The following CASD1 variants were observed in gnomAD, a reference collection of about 807,000 sequenced individuals.
CASD1 encodes N-acetylneuraminate (7)9-O-acetyltransferase.
Under a neutral mutation model 100.0 loss-of-function variants are expected in CASD1, and 41 were observed. The ratio of observed to expected loss-of-function variants is 0.41; its 90% confidence interval spans 0.32 to 0.53. CASD1 has a LOEUF of 0.53. CASD1 is among the 20% of genes least tolerant of loss of function. The probability of loss-of-function intolerance (pLI) is 0.25; values close to 1 mark genes in which losing one functional copy is unlikely to be tolerated. For synonymous variants in CASD1, 321 were observed against 315.6 expected (o/e 1.02, Z -0.18); for missense variants, 774 against 948.7 (o/e 0.82, Z 2.42).
chr7:94,514,148 T>A (rs1042060049), intron 1 of CASD1, among the ~76,000 whole-genome samples: 1 of 152,120 alleles, frequency 6.6e-6, no homozygotes, highest in Admixed American at 6.5e-5. Flanking sequence ...CTAAGCATAT[T>A]AAATGCCAGT....
At chr7:94,587,393 C>A in the CASD1 span, 1 of 1,101,714 alleles carries the variant, frequency 9.1e-7, no homozygotes, top group Non-Finnish European at 1.1e-6. Context: ...GCTTCCTACT[C>A]ACTCCATGCC....
At chr7:94,628,497 C>G in the CASD1 span, 15 of 641,208 alleles carry the variant, frequency 2.3e-5, no homozygotes, top group African/African-American at 2.8e-4. Flanking sequence ...CAAAACCCAT[C>G]TGGGAATTTA....
At chr7:94,542,417 A>G (rs979028338) in intron 10 of CASD1, among the ~76,000 whole-genome samples, 1 of 150,340 alleles carries the variant, frequency 6.7e-6, no homozygotes, top group Non-Finnish European at 1.5e-5. Flanking sequence ...AAATTCAAAA[A>G]CTTTATATAA....
intron 8 of CASD1, among the ~76,000 whole-genome samples, chr7:94,535,859 G>C (rs931151644): frequency 2.6e-5 from 4 of 152,152 alleles, no homozygotes; most frequent in African/African-American, 9.7e-5. Context: ...CTGCTTCTAT[G>C]TTCCCCTTAC....
At chr7:94,619,017 A>G in the CASD1 span, 1 of 1,227,932 alleles carries the variant, frequency 8.1e-7, no homozygotes, top group Non-Finnish European at 1.2e-6. Flanking sequence ...AAAAGGAAAC[A>G]AAAGAACAAT....
rs1016902732 is a variant in CASD1, at chr7:94,523,715, T to A, written c.352-3447T>A. On this transcript the variant is annotated intron_variant, in intron 3 of 17. Transcript: ENST00000297273. Reference sequence around the variant, plus strand: ...GCAACTTTACCGATGGATTCTAAATTTTTTATAGATGGGCAGCAGACCAAG... The same window carrying A: ...GCAACTTTACCGATGGATTCTAAATATTTTATAGATGGGCAGCAGACCAAG... Among the ~76,000 whole-genome samples the A allele has an allele frequency of 3.3e-5, 5 of 152,312 alleles. No homozygotes were observed. In the South Asian group the frequency reaches 1.0e-3, roughly 32 times the overall value.
chr7:94,588,070 T>A, the CASD1 span: 1 of 1,331,410 alleles, frequency 7.5e-7, no homozygotes, highest in African/African-American at 1.5e-5. Context: ...CAATCATGAA[T>A]AAGTTATCTA....
the CASD1 span, chr7:94,603,568 C>A: frequency 1.1e-6 from 1 of 931,494 alleles, no homozygotes. Context: ...TAGACTCATC[C>A]CTGAGGTAGG....
chr7:94,516,665 A>T (rs187832489), intron 1 of CASD1, among the ~76,000 whole-genome samples: 64 of 148,282 alleles, frequency 4.3e-4, no homozygotes, highest in African/African-American at 1.6e-3. Flanking sequence ...GACATATTTG[A>T]GCTTAAATGC....
At chr7:94,538,202 T>C (rs1314104543) in intron 9 of CASD1, among the ~76,000 whole-genome samples, 1 of 152,192 alleles carries the variant, frequency 6.6e-6, no homozygotes, top group African/African-American at 2.4e-5. Flanking sequence ...CTTCTGATTT[T>C]ATAATGGTCT....
At chr7:94,560,556 G>A (rs1468459290), downstream of CASD1, among the ~76,000 whole-genome samples, 1 of 152,202 alleles carries the variant, frequency 6.6e-6, no homozygotes, top group Non-Finnish European at 1.5e-5. Context: ...AACGGGAGAA[G>A]TGGGATTTGT....
At chr7:94,580,390 T>G in the CASD1 span, among the ~76,000 whole-genome samples, 1 of 152,182 alleles carries the variant, frequency 6.6e-6, no homozygotes, top group Non-Finnish European at 1.5e-5. Context: ...CTAGGCTCTC[T>G]TCTTCCAAAA....
intron 4 of CASD1, 24 bp downstream of exon 4, chr7:94,527,230 A>G (rs1271207569): frequency 3.9e-6 from 6 of 1,539,660 alleles, no homozygotes; most frequent in Admixed American, 3.4e-5. Flanking sequence ...ATAGTAAGCT[A>G]GATGTTACAA....
chr7:94,568,342 T>C, the CASD1 span, among the ~76,000 whole-genome samples: 1 of 152,140 alleles, frequency 6.6e-6, no homozygotes, highest in African/African-American at 2.4e-5. Context: ...CAAAATTAAG[T>C]TGGATCCCTA....
At chr7:94,542,831 C>T (rs1190873909) in intron 10 of CASD1, among the ~76,000 whole-genome samples, 3 of 152,162 alleles carry the variant, frequency 2.0e-5, no homozygotes, top group Non-Finnish European at 4.4e-5. Context: ...AGTACATTTC[C>T]TGCCTCCATC....
intron 1 of CASD1, 103 bp from the exon 2 acceptor site, chr7:94,517,457 A>G (rs1335981925): frequency 3.0e-6 from 2 of 659,304 alleles, no homozygotes; most frequent in Non-Finnish European, 5.2e-6. Flanking sequence ...TGAAACAGAG[A>G]AAACTCTACT....
chr7:94,626,966 TTAATC>T, the CASD1 span: 22 of 152,200 alleles, frequency 1.4e-4, no homozygotes, highest in East Asian at 2.5e-3. Flanking sequence ...TTTTCCTTCT[TTAATC>T]TAATAATGTG....
the CASD1 span, among the ~76,000 whole-genome samples, chr7:94,609,130 C>T: frequency 2.0e-5 from 3 of 152,198 alleles, no homozygotes; most frequent in Non-Finnish European, 1.5e-5. Context: ...CAAAAAGCCA[C>T]AGACTACAAG....
At chr7:94,600,788 C>T in the CASD1 span, 13 of 1,613,340 alleles carry the variant, frequency 8.1e-6, no homozygotes, top group African/African-American at 1.1e-4. Context: ...TTGTATTCTC[C>T]ACCATCAGGT....
Sources: gnomAD v4.1 joint callset for allele counts (sites outside exome capture counted in the v4.1 genomes callset) on GRCh38, gnomAD v4.1.1 for gene constraint, MANE v1.5 for transcripts, NCBI Gene and HGNC (gene_info 2026-07-23, HGNC 2026-07-21) for gene names.